Variants in PRKN observed in about 807,000 individuals in gnomAD.
The protein encoded by PRKN is parkin RBR E3 ubiquitin protein ligase.
PRKN carries 56 observed loss-of-function variants against 59.5 expected under a neutral mutation model. That is an observed-to-expected ratio of 0.94 (90% CI 0.76 to 1.18). The LOEUF (loss-of-function observed/expected upper bound fraction) is 1.18. Ranked by LOEUF, PRKN falls within the 50% of genes most tolerant of loss-of-function variation. The pLI is 0.00. For synonymous variants in PRKN, 250 were observed against 222.1 expected (o/e 1.13, Z -1.12); for missense variants, 657 against 596.4 (o/e 1.10, Z -1.06).
chr6:162,716,929 G>A (rs905088900), intron 1 of PRKN, among the ~76,000 whole-genome samples: 11 of 152,104 alleles, frequency 7.2e-5, no homozygotes, highest in African/African-American at 2.7e-4. Flanking sequence ...CGTTCAAATG[G>A]TGAAGCATTA....
At chr6:162,620,329 A>G (rs1448827805) in intron 1 of PRKN, among the ~76,000 whole-genome samples, 2 of 152,114 alleles carry the variant, frequency 1.3e-5, no homozygotes, top group African/African-American at 4.8e-5. Context: ...GTGTTCTGCC[A>G]CCTTCTGGTT....
chr6:162,722,136 A>T (rs1778962562), intron 1 of PRKN, among the ~76,000 whole-genome samples: 1 of 152,170 alleles, frequency 6.6e-6, no homozygotes, highest in Non-Finnish European at 1.5e-5. Flanking sequence ...CACAGGCAAT[A>T]TATAGACAAA....
intron 9 of PRKN, among the ~76,000 whole-genome samples, chr6:161,418,989 T>A (rs902057540): frequency 6.6e-5 from 10 of 152,154 alleles, no homozygotes; most frequent in Admixed American, 6.6e-4. Flanking sequence ...TCGTATATCA[T>A]AGAAAATTAG....
At chr6:162,386,849 G>A (rs1485013098) in intron 2 of PRKN, among the ~76,000 whole-genome samples, 1 of 151,934 alleles carries the variant, frequency 6.6e-6, no homozygotes, top group Non-Finnish European at 1.5e-5. Flanking sequence ...TTTTTTGCAG[G>A]GTAATGTTTT....
intron 7 of PRKN, among the ~76,000 whole-genome samples, chr6:161,636,770 GC>G (rs1389167384): frequency 6.6e-6 from 1 of 152,012 alleles, no homozygotes; most frequent in Non-Finnish European, 1.5e-5. Flanking sequence ...TAAACAGGAG[GC>G]CCAACAGAAA....
intron 5 of PRKN, among the ~76,000 whole-genome samples, chr6:162,006,623 C>A (rs140961509): frequency 1.3e-5 from 2 of 152,318 alleles, no homozygotes; most frequent in Non-Finnish European, 2.9e-5. Flanking sequence ...ATAGGCCAAG[C>A]TCTTTCTCTG....
intron 1 of PRKN, among the ~76,000 whole-genome samples, chr6:162,718,296 T>A (rs1335669335): frequency 6.6e-6 from 1 of 152,158 alleles, no homozygotes; most frequent in Admixed American, 6.5e-5. Context: ...CTATTAAGCA[T>A]AAGATGATTA....
At chr6:162,611,995 C>T (rs1417364806) in intron 1 of PRKN, among the ~76,000 whole-genome samples, 20 of 150,776 alleles carry the variant, frequency 1.3e-4, no homozygotes, top group South Asian at 4.2e-4. Flanking sequence ...ACCATCCTGG[C>T]TAACACGGTG....
chr6:162,208,264 C>T (rs1191927016), intron 3 of PRKN, among the ~76,000 whole-genome samples: 1 of 152,166 alleles, frequency 6.6e-6, no homozygotes, highest in Non-Finnish European at 1.5e-5. Context: ...AACTTAACTC[C>T]TGTGGAGTAA....
In PRKN at chr6:161,466,722, A is replaced by T. The variant is rs1449168609; in HGVS notation, c.1084-79845T>A. Among the ~76,000 whole-genome samples, 1 of 152,206 alleles carries T rather than the reference A, an allele frequency of 6.6e-6. No individual in the cohort carries two copies. The highest frequency in any genetic ancestry group is 1.5e-5 in the Non-Finnish European group (1 of 68,030). ...AACATCCACACACAGACACACAGACATACAAACAACCCAAGGACAGGCTTT... is the reference window on the plus strand; with the variant it reads ...AACATCCACACACAGACACACAGACTTACAAACAACCCAAGGACAGGCTTT... On this transcript the variant is annotated intron_variant, in intron 9 of 11. Coordinates refer to ENST00000366898, the MANE Select transcript of PRKN (RefSeq NM_004562.3). This position sits in a 1 kb window ranked among gnomAD's most constrained non-coding sequence, Gnocchi z 5.0.
At chr6:162,406,426 T>C (rs761376684) in intron 2 of PRKN, among the ~76,000 whole-genome samples, 24 of 152,228 alleles carry the variant, frequency 1.6e-4, no homozygotes, top group Non-Finnish European at 2.5e-4. Flanking sequence ...CCATTCAACA[T>C]CTTCATCAAA....
intron 1 of PRKN, among the ~76,000 whole-genome samples, chr6:162,652,375 G>T (rs186736887): frequency 6.6e-6 from 1 of 152,194 alleles, no homozygotes; most frequent in Non-Finnish European, 1.5e-5. Flanking sequence ...TCATTAACAG[G>T]TTGTGTCACA....
At chr6:161,943,242 G>A (rs192313031) in intron 6 of PRKN, among the ~76,000 whole-genome samples, 2 of 152,216 alleles carry the variant, frequency 1.3e-5, no homozygotes, top group African/African-American at 4.8e-5. Context: ...TGAAGTTGAC[G>A]CGAAGCTGAA....
At chr6:161,941,424 C>T (rs1036269710) in intron 6 of PRKN, among the ~76,000 whole-genome samples, 1 of 152,232 alleles carries the variant, frequency 6.6e-6, no homozygotes, top group Non-Finnish European at 1.5e-5. Context: ...AGCAGCCCGA[C>T]TCCAGGTGAA....
At chr6:162,429,377 G>A (rs112467566) in intron 2 of PRKN, among the ~76,000 whole-genome samples, 10 of 152,264 alleles carry the variant, frequency 6.6e-5, no homozygotes, top group African/African-American at 2.4e-4. Flanking sequence ...CCGGAAGAAT[G>A]ACAGGTGCTG....
rs397952029 is a variant in PRKN at position 162,068,271 on chromosome 6, T to TC, written c.535-14098dup. Reference sequence around the variant, plus strand: ...AAAGTCTTTATTATCGACAGGTTTTTCCAGGTACATTACTTCATTTATCTC... The same window carrying TC: ...AAAGTCTTTATTATCGACAGGTTTTTCCCAGGTACATTACTTCATTTATCTC... On this transcript the variant is annotated intron_variant, in intron 4 of 11. Transcript: ENST00000366898. 2.0e-5 allele frequency among the ~76,000 whole-genome samples: 3 copies of TC among 152,184 alleles called. No individual in the cohort carries two copies. In the East Asian group the frequency reaches 5.8e-4, roughly 29 times the overall value.
At chr6:162,191,132 T>C (rs913590519) in intron 4 of PRKN, among the ~76,000 whole-genome samples, 5 of 152,102 alleles carry the variant, frequency 3.3e-5, no homozygotes, top group East Asian at 3.9e-4. Flanking sequence ...TTCAGGAAAG[T>C]GGGCTAAAAC....
chr6:162,546,858 A>C (rs1779141968), intron 1 of PRKN, among the ~76,000 whole-genome samples: 1 of 152,140 alleles, frequency 6.6e-6, no homozygotes, highest in Non-Finnish European at 1.5e-5. Context: ...ACCACCAAAC[A>C]ACCAAGGCAC....
chr6:162,612,047 G>T (rs528834624), intron 1 of PRKN, among the ~76,000 whole-genome samples: 3 of 150,610 alleles, frequency 2.0e-5, no homozygotes, highest in South Asian at 4.2e-4. Context: ...AAAAAAATTA[G>T]CTGGGCGTGG....
Sources: allele counts gnomAD v4.1 joint callset (sites outside exome capture counted in the v4.1 genomes callset), GRCh38; gene constraint gnomAD v4.1.1; non-coding constraint Gnocchi (gnomAD v3.1); transcripts MANE v1.5; gene names NCBI Gene and HGNC (gene_info 2026-07-23, HGNC 2026-07-21).